Variants in ZNF829 observed in about 807,000 individuals in gnomAD.
The protein encoded by ZNF829 is zinc finger protein 829.
Under a neutral mutation model 35.2 loss-of-function variants are expected in ZNF829, and 25 were observed. The observed-to-expected ratio is 0.71, with a 90% CI of 0.52 to 0.99. The LOEUF is 0.99. Among genes scored for constraint, ZNF829 ranks in the 50% least tolerant of loss-of-function variants. ZNF829 has a pLI of 0.00. For synonymous variants in ZNF829, 136 were observed against 163.2 expected (o/e 0.83, Z 1.27); for missense variants, 417 against 515.3 (o/e 0.81, Z 1.85).
At chr19:36,894,196 T>C (rs2073090027) in intron 5 of ZNF829, among the ~76,000 whole-genome samples, 2 of 152,158 alleles carry the variant, frequency 1.3e-5, no homozygotes, top group African/African-American at 4.8e-5. Flanking sequence ...CTGACACTGA[T>C]TGCAGCCAGA....
intron 3 of ZNF829, among the ~76,000 whole-genome samples, chr19:36,910,757 A>G (rs549561543): frequency 6.6e-6 from 1 of 152,286 alleles, no homozygotes; most frequent in South Asian, 2.1e-4. Context: ...CTGTAATTCC[A>G]GCACTTTGGG....
chr19:36,901,597 AAAG>A (rs1164920138), intron 5 of ZNF829: 1 of 206,432 alleles, frequency 4.8e-6, no homozygotes, highest in Non-Finnish European at 9.7e-6. Context: ...CTTTTTAAAT[AAAG>A]AATAAGATAG....
At chr19:36,893,086 A>G in intron 5 of ZNF829, 1 of 398,260 alleles carries the variant, frequency 2.5e-6, no homozygotes, top group East Asian at 3.6e-5. Flanking sequence ...TCAGACCTAC[A>G]TGAAAGGACT....
At chr19:36,900,930 G>A (rs1016936342) in intron 5 of ZNF829, among the ~76,000 whole-genome samples, 2 of 151,722 alleles carry the variant, frequency 1.3e-5, no homozygotes, top group Non-Finnish European at 2.9e-5. Context: ...TGGTGGGCAT[G>A]TAAAATGGTG....
intron 3 of ZNF829, among the ~76,000 whole-genome samples, chr19:36,913,547 G>C (rs111514132): frequency 0.014 from 2,095 of 152,158 alleles, 17 homozygotes; most frequent in African/African-American, 0.025. Context: ...ATGAGGCAAG[G>C]TTCTTTTGTT....
At chr19:36,905,972 T>G (rs1381324404) in intron 5 of ZNF829, 1 of 152,144 alleles carries the variant, frequency 6.6e-6, no homozygotes, top group African/African-American at 2.4e-5. Flanking sequence ...TAGTCCTATC[T>G]CTATAGAATG....
chr19:36,894,332 G>GA (rs1246580423), intron 5 of ZNF829, among the ~76,000 whole-genome samples: 1 of 151,910 alleles, frequency 6.6e-6, no homozygotes, highest in Non-Finnish European at 1.5e-5. Context: ...CATAAAATTG[G>GA]AAAAAATGAC....
intron 5 of ZNF829, among the ~76,000 whole-genome samples, chr19:36,902,832 T>TA (rs1447275647): frequency 6.6e-6 from 1 of 152,068 alleles, no homozygotes; most frequent in Non-Finnish European, 1.5e-5. Flanking sequence ...GGTGAGGAGT[T>TA]AGAGACCAAC....
chr19:36,908,509 G>A (rs2073237879), intron 3 of ZNF829, 50 bp from the exon 4 acceptor site: 1 of 1,556,410 alleles, frequency 6.4e-7, no homozygotes, highest in East Asian at 2.3e-5. Flanking sequence ...GAAAAAGATG[G>A]CGGTAGAGGT....
rs1192365862 is a variant in ZNF829, at chr19:36,892,441, A to G, written c.350T>C (p.Leu117Ser). 2 of 1,598,138 alleles carry G rather than the reference A, an allele frequency of 1.3e-6. No individual in the cohort carries two copies. The highest frequency in any genetic ancestry group is 3.4e-5 in the Admixed American group (2 of 58,412). Residue 117 changes from leucine (L) to serine (S), a missense_variant, in exon 6 of 6, where the codon TTA becomes TCA. Physicochemically the swap from Leu to Ser is moderately radical, Grantham distance 145 (BLOSUM62 -2). Transcript: ENST00000391711. Reference sequence around the variant, plus strand: ...ACTGAAATGTCTCTTCTTTAGAGATAATATTTTGGTCTCACACATTGATTC... The same window carrying G: ...ACTGAAATGTCTCTTCTTTAGAGATGATATTTTGGTCTCACACATTGATTC... ...DLESMCETKILSLKKRHFSQV... is the reference protein window; with the variant it reads ...DLESMCETKISSLKKRHFSQV...
rs1381052653 is a variant in ZNF829, at chr19:36,891,808, T to C, written c.983A>G (p.Gln328Arg). 1.2e-6 allele frequency: 2 copies of C among 1,614,090 alleles called. No individual in the cohort carries two copies. Among genetic ancestry groups the C allele is most frequent in the African/African-American group, 2.7e-5 (2 of 74,950 alleles). ...GGCACTATTAAAGGCCTTCCCACAC[T>C]GCTTACATTCATAAGGTTTCTCACC... The part of the protein sequence containing the change: ...HTGEKPYECK[Q>R]CGKAFNSAST... Residue 328 changes from glutamine (Q) to arginine (R), a missense_variant, in exon 6 of 6, where the codon CAG (glutamine) becomes CGG (arginine). Transcript: ENST00000391711.
chr19:36,913,577 A>G (rs1370982467), intron 3 of ZNF829, among the ~76,000 whole-genome samples: 1 of 152,186 alleles, frequency 6.6e-6, no homozygotes, highest in African/African-American at 2.4e-5. Context: ...TTCAGCTATA[A>G]GTATCAACTC....
chr19:36,891,248 G>A lies in ZNF829; in HGVS notation c.*244C>T, dbSNP rs1380916260. The A allele has an allele frequency of 1.5e-5, 6 of 412,806 alleles. No individual in the cohort carries two copies. The highest frequency in any genetic ancestry group is 2.5e-5 in the Non-Finnish European group (6 of 235,998). 25.6% of individuals were successfully genotyped at this position (412,806 alleles called of 1,614,324 possible). A position where few individuals can be genotyped will look rare whatever the true frequency, so the allele number is the denominator to read the frequency against. On this transcript the variant is annotated 3_prime_UTR_variant, in exon 6 of 6. Transcript: ENST00000391711. ...AAAAGGCATAGAACAGATCCTCAGA[G>A]TCCTCAGAAGGAACCAAAACGATCA...
intron 5 of ZNF829, among the ~76,000 whole-genome samples, chr19:36,896,154 A>T (rs918185821): frequency 4.6e-5 from 7 of 152,088 alleles, no homozygotes; most frequent in Non-Finnish European, 8.8e-5. Flanking sequence ...TACTAAAAAT[A>T]CAAAAAATTA....
Position 36,888,989 on chromosome 19 carries a change from C to T in ZNF829, c.*2503G>A, listed in dbSNP as rs959275625. 2 of 152,206 alleles carry T rather than the reference C, an allele frequency of 1.3e-5. No individual in the cohort carries two copies. The highest frequency in any genetic ancestry group is 4.8e-5 in the African/African-American group (2 of 41,454). The allele number at this position is 152,206 out of a possible 1,614,324, so 9.4% of individuals were successfully genotyped here. On this transcript the variant is annotated 3_prime_UTR_variant, in exon 6 of 6. Transcript: ENST00000391711. Reference sequence around the variant, plus strand: ...GTTTCGCCATGTCAGCCAGACTGGTCTCAAACTCTTGACATCATGTGATCT... The same window carrying T: ...GTTTCGCCATGTCAGCCAGACTGGTTTCAAACTCTTGACATCATGTGATCT...
intron 3 of ZNF829, among the ~76,000 whole-genome samples, chr19:36,911,396 G>C (rs1196190967): frequency 6.6e-6 from 1 of 152,024 alleles, no homozygotes; most frequent in East Asian, 1.9e-4. Flanking sequence ...ATTTTTAGTA[G>C]AGATGTGGGT....
At chr19:36,913,019 T>A (rs1022991977) in intron 3 of ZNF829, 1 of 152,078 alleles carries the variant, frequency 6.6e-6, no homozygotes, top group Non-Finnish European at 1.5e-5. Flanking sequence ...AAATTTATTG[T>A]CTACTACAGT....
intron 3 of ZNF829, among the ~76,000 whole-genome samples, chr19:36,914,546 AGTCTGGCAT>A (rs2073291826): frequency 3.3e-5 from 5 of 152,170 alleles, no homozygotes; most frequent in Admixed American, 3.3e-4. Flanking sequence ...AGGATTTAAA[AGTCTGGCAT>A]GTCTGATTTG....
chr19:36,915,308 C>T, intron 1 of ZNF829, 57 bp from the exon 2 acceptor site: 3 of 1,527,460 alleles, frequency 2.0e-6, no homozygotes, highest in East Asian at 4.8e-5. Context: ...CATACTCATA[C>T]ACAGAATGCC....
Sources: allele counts gnomAD v4.1 joint callset (sites outside exome capture counted in the v4.1 genomes callset), GRCh38; gene constraint gnomAD v4.1.1; transcripts MANE v1.5; gene names NCBI Gene and HGNC (gene_info 2026-07-23, HGNC 2026-07-21).